Variants in KAZN observed in about 807,000 individuals in gnomAD.
The protein encoded by KAZN is kazrin.
A neutral mutation model predicts 87.4 loss-of-function variants in KAZN; 40 were observed. That is an observed-to-expected ratio of 0.46 (90% CI 0.36 to 0.60). The LOEUF (loss-of-function observed/expected upper bound fraction) is 0.60, where lower values mean the gene tolerates loss of function less well. KAZN is among the 20% of genes least tolerant of loss of function. KAZN has a pLI of 0.00. For missense variants in KAZN, 898 were observed against 1,073.9 expected (o/e 0.84, Z 2.29); for synonymous variants, 466 against 458.3 (o/e 1.02, Z -0.22).
In KAZN at chr1:14,578,971, T is replaced by A. The variant is rs184235230; in HGVS notation, c.250-20012T>A. Among the ~76,000 whole-genome samples the A allele has an allele frequency of 2.7e-3, 407 of 152,272 alleles. 1 individual carries two copies. The highest frequency in any genetic ancestry group is 9.3e-3 in the African/African-American group (385 of 41,562). On this transcript the variant is annotated intron_variant, in intron 2 of 16. Coordinates refer to the KAZN transcript ENST00000636203. ...ACCAAAACTTTTTGTCCTTTTCTTTTCCCTATCCCCAGCACCTGCCTAATA... is the reference window on the plus strand; with the variant it reads ...ACCAAAACTTTTTGTCCTTTTCTTTACCCTATCCCCAGCACCTGCCTAATA...
chr1:14,709,123 C>A (rs1642360890), intron 1 of KAZN, among the ~76,000 whole-genome samples: 1 of 152,164 alleles, frequency 6.6e-6, no homozygotes, highest in South Asian at 2.1e-4. Flanking sequence ...TGCATCCTCA[C>A]CACCACCCTA....
At chr1:14,867,797 G>A (rs1009474406) in intron 1 of KAZN, among the ~76,000 whole-genome samples, 7 of 136,608 alleles carry the variant, frequency 5.1e-5, no homozygotes, top group Admixed American at 1.8e-4. Flanking sequence ...ATGGCCCCTC[G>A]TCTGGGGCTT....
At chr1:14,553,632 C>T (rs187932623) in intron 2 of KAZN, among the ~76,000 whole-genome samples, 4 of 152,172 alleles carry the variant, frequency 2.6e-5, no homozygotes, top group South Asian at 2.1e-4. Context: ...CTGCTCAGTG[C>T]GTGAGCTTAT....
In KAZN at chr1:15,029,569, C is replaced by A. The variant is rs546962391; in HGVS notation, c.419-5180C>A. On this transcript the variant is annotated intron_variant, in intron 2 of 14. Transcript: ENST00000376030. ...TAACAAGGATGGAGCAGCAGGGAGA[C>A]CCACAGAAGCCACAAGAGGCTGCAC... is the stretch of plus-strand genomic sequence containing the variant. Among the ~76,000 whole-genome samples the A allele has an allele frequency of 8.5e-5, 13 of 152,254 alleles. No homozygotes were observed. In the East Asian group the frequency reaches 2.1e-3, roughly 25 times the overall value.
intron 2 of KAZN, among the ~76,000 whole-genome samples, chr1:14,364,332 C>T (rs1659781243): frequency 6.6e-6 from 1 of 152,152 alleles, no homozygotes; most frequent in African/African-American, 2.4e-5. Context: ...GTTTCTTCCA[C>T]TGCAAAATGG....
intron 2 of KAZN, among the ~76,000 whole-genome samples, chr1:14,458,911 A>T (rs747560260): frequency 1.3e-5 from 2 of 152,204 alleles, no homozygotes; most frequent in African/African-American, 4.8e-5. Context: ...AATACATCTA[A>T]CTTAAAATTG....
chr1:14,365,363 C>T (rs1171488369), intron 2 of KAZN, among the ~76,000 whole-genome samples: 35 of 90,280 alleles, frequency 3.9e-4, no homozygotes, highest in African/African-American at 1.8e-3. Flanking sequence ...CCCCTCCCCC[C>T]GGGGTGGGGG....
At chr1:14,458,875 T>C (rs1667706547) in intron 2 of KAZN, among the ~76,000 whole-genome samples, 1 of 152,198 alleles carries the variant, frequency 6.6e-6, no homozygotes. Context: ...ATTTGTTGAA[T>C]GAATGAGTGA....
At chr1:14,714,138 T>C (rs1320761772) in intron 1 of KAZN, among the ~76,000 whole-genome samples, 1 of 152,176 alleles carries the variant, frequency 6.6e-6, no homozygotes, top group Non-Finnish European at 1.5e-5. Context: ...GCCTGTGGTT[T>C]GGGTGCAGGT....
chr1:14,350,187 T>C (rs1231632228), intron 2 of KAZN, among the ~76,000 whole-genome samples: 1 of 148,904 alleles, frequency 6.7e-6, no homozygotes, highest in Non-Finnish European at 1.5e-5. Context: ...ACCCCCAGTC[T>C]CCAGGATGAG....
At chr1:14,632,124 T>C (rs1679615334) in intron 1 of KAZN, among the ~76,000 whole-genome samples, 1 of 152,242 alleles carries the variant, frequency 6.6e-6, no homozygotes, top group Non-Finnish European at 1.5e-5. Context: ...GCTGTAATTC[T>C]CATTTTCCCC....
intron 1 of KAZN, among the ~76,000 whole-genome samples, chr1:13,972,201 TGAA>T (rs771297280): frequency 1.3e-5 from 2 of 151,834 alleles, no homozygotes; most frequent in Non-Finnish European, 2.9e-5. Context: ...TCAGCAACCA[TGAA>T]GAAGACTCCA....
At chr1:13,935,252 G>GTAGTAGTAGTAATAATAATAATAA (rs1553175647) in intron 1 of KAZN, among the ~76,000 whole-genome samples, 6 of 147,072 alleles carry the variant, frequency 4.1e-5, no homozygotes, top group African/African-American at 1.5e-4. Flanking sequence ...AGTAGTAGTA[G>GTAGTAGTAGTAATAATAATAATAA]TAATAATAAT....
intron 2 of KAZN, among the ~76,000 whole-genome samples, chr1:14,400,983 CAGAA>C (rs1663354508): frequency 6.6e-6 from 1 of 152,218 alleles, no homozygotes; most frequent in Non-Finnish European, 1.5e-5. Context: ...CATCTACTAA[CAGAA>C]AGGCCTTGTG....
chr1:14,117,555 G>T (rs1644653782), intron 1 of KAZN, among the ~76,000 whole-genome samples: 1 of 151,982 alleles, frequency 6.6e-6, no homozygotes, highest in South Asian at 2.1e-4. Context: ...CCTCCCAAAG[G>T]CCCCACCTCC....
intron 1 of KAZN, among the ~76,000 whole-genome samples, chr1:14,875,493 A>G (rs1200800391): frequency 1.3e-5 from 2 of 150,916 alleles, no homozygotes; most frequent in Admixed American, 6.6e-5. Context: ...AAAAAAAAAA[A>G]AAAAGAAAAA....
At chr1:13,899,653 T>TTC (rs1639171901) in intron 1 of KAZN, among the ~76,000 whole-genome samples, 1 of 151,480 alleles carries the variant, frequency 6.6e-6, no homozygotes, top group African/African-American at 2.4e-5. Flanking sequence ...CCTTTTTTTT[T>TTC]TTTTTTTTGA....
intron 2 of KAZN, among the ~76,000 whole-genome samples, chr1:14,305,294 C>A (rs2100793327): frequency 6.6e-6 from 1 of 152,244 alleles, no homozygotes; most frequent in South Asian, 2.1e-4. Context: ...CCTACAGAAG[C>A]AGATTATATC....
At chr1:14,510,335 G>A (rs1262364896) in intron 2 of KAZN, among the ~76,000 whole-genome samples, 5 of 150,192 alleles carry the variant, frequency 3.3e-5, no homozygotes, top group Non-Finnish European at 7.4e-5. Context: ...CCGAGATGGC[G>A]CCATTGCACT....
Sources: gnomAD v4.1 joint callset for allele counts (sites outside exome capture counted in the v4.1 genomes callset) on GRCh38, gnomAD v4.1.1 for gene constraint, MANE v1.5 for transcripts, NCBI Gene and HGNC (gene_info 2026-07-23, HGNC 2026-07-21) for gene names.